HLCS: variants seen among roughly 807,000 people sequenced by gnomAD.
The protein encoded by HLCS is biotin--protein ligase.
HLCS carries 53 observed loss-of-function variants against 75.0 expected under a neutral mutation model. That is an observed-to-expected ratio of 0.71 (90% CI 0.57 to 0.89). The LOEUF (loss-of-function observed/expected upper bound fraction) is 0.89, where lower values mean the gene tolerates loss of function less well. HLCS is among the 40% of genes least tolerant of loss of function. HLCS has a pLI of 0.00. For synonymous variants in HLCS, 431 were observed against 428.6 expected (o/e 1.01, Z -0.07); for missense variants, 966 against 1,074.0 (o/e 0.90, Z 1.41).
At position 36,875,263 on chromosome 21, in the gene HLCS, C is replaced by A. The variant is rs140393639; in HGVS notation, c.1892+21597G>T. On this transcript the variant is annotated intron_variant, in intron 6 of 10. Transcript: ENST00000674895. ...TCAAGCCTGAAGCCTGGGCTCCAGG[C>A]TGCCAGTTCCAGGTGAGGTCCACGG... 9.2e-5 allele frequency among the ~76,000 whole-genome samples: 14 copies of A among 152,282 alleles called. No individual in the cohort carries two copies. The East Asian group carries it at 2.7e-3, about 30-fold the overall frequency.
intron 9 of HLCS, among the ~76,000 whole-genome samples, chr21:36,758,821 A>G (rs1359397801): frequency 2.0e-5 from 3 of 152,068 alleles, no homozygotes; most frequent in Admixed American, 2.0e-4. Context: ...TGTCTACTAA[A>G]AATACAAAAA....
intron 6 of HLCS, among the ~76,000 whole-genome samples, chr21:36,773,929 A>T (rs575111618): frequency 3.9e-5 from 6 of 152,356 alleles, no homozygotes; most frequent in African/African-American, 1.4e-4. Context: ...ACTTTCTAAA[A>T]AGTTAAAACG....
At chr21:36,974,103 A>G (rs8130063) in intron 1 of HLCS, 62,396 of 152,334 alleles carry the variant, frequency 0.41, 13,524 homozygotes, top group South Asian at 0.53. Flanking sequence ...AGGGCACACA[A>G]CACAGGTCAA....
chr21:36,934,423 TG>T (rs1486898481), intron 4 of HLCS, among the ~76,000 whole-genome samples: 2 of 152,210 alleles, frequency 1.3e-5, no homozygotes, highest in Non-Finnish European at 2.9e-5. Flanking sequence ...GGCGACCCAC[TG>T]CTGCCATGTG....
At chr21:36,965,899 T>A (rs2068544529) in intron 1 of HLCS, among the ~76,000 whole-genome samples, 1 of 149,836 alleles carries the variant, frequency 6.7e-6, no homozygotes, top group Non-Finnish European at 1.5e-5. Context: ...TACAGGCGCG[T>A]GCCACCACGC....
upstream of HLCS, among the ~76,000 whole-genome samples, chr21:36,971,313 G>A (rs1329444591): frequency 6.6e-6 from 1 of 152,096 alleles, no homozygotes; most frequent in Non-Finnish European, 1.5e-5. Context: ...TCTTGAATGG[G>A]TGCTCTTCTC....
chr21:36,788,665 CAGTTGGAT>C lies in HLCS; in HGVS notation c.1893-21388_1893-21381del, dbSNP rs546005075. On this transcript the variant is annotated intron_variant, in intron 6 of 10. Coordinates refer to ENST00000674895, the MANE Select transcript of HLCS (RefSeq NM_001352514.2). ...GGAGAGAGGTTTATGTACTGCATTA[CAGTTGGAT>C]ATTATTATATAAAATGAGTGTGTTA... is the stretch of plus-strand genomic sequence containing the variant. Among the ~76,000 whole-genome samples the C allele has an allele frequency of 1.9e-3, 284 of 152,222 alleles. 1 individual carries two copies. The highest frequency in any genetic ancestry group is 0.014 in the Middle Eastern group (4 of 294).
intron 5 of HLCS, among the ~76,000 whole-genome samples, chr21:36,899,197 T>C (rs1000634603): frequency 2.6e-5 from 4 of 152,266 alleles, no homozygotes. Context: ...TCAACTATGT[T>C]GATAATTATT....
At chr21:36,947,479 G>A in intron 2 of HLCS, 1 of 985,394 alleles carries the variant, frequency 1.0e-6, no homozygotes, top group Non-Finnish European at 1.2e-6. Context: ...GTGGATAAAG[G>A]CAAACAGGAC....
intron 5 of HLCS, among the ~76,000 whole-genome samples, chr21:36,915,105 T>TA (rs2065878531): frequency 6.6e-6 from 1 of 152,212 alleles, no homozygotes; most frequent in Admixed American, 6.5e-5. Context: ...ATTTGCCTGT[T>TA]ACCTGCCAGC....
At chr21:36,823,881 C>CT (rs1287853288) in intron 6 of HLCS, among the ~76,000 whole-genome samples, 1 of 152,164 alleles carries the variant, frequency 6.6e-6, no homozygotes, top group Non-Finnish European at 1.5e-5. Flanking sequence ...CATAGGTTCT[C>CT]TGAGCATCTA....
intron 6 of HLCS, among the ~76,000 whole-genome samples, chr21:36,876,412 C>T (rs972193634): frequency 6.6e-6 from 1 of 152,116 alleles, no homozygotes; most frequent in Non-Finnish European, 1.5e-5. Context: ...GGCATTTTAC[C>T]AGTACTAACT....
rs146000357 is a variant in HLCS, at chr21:36,836,912, C to T, written c.1892+59948G>A. ...ATAAAAACTGCACGGCGGCTGGGCA[C>T]GGTGGTTCACGCCTGTAATCCAGCA... On this transcript the variant is annotated intron_variant, in intron 6 of 10. Coordinates refer to ENST00000674895, the MANE Select transcript of HLCS (RefSeq NM_001352514.2). Among the ~76,000 whole-genome samples, 470 of 152,186 alleles carry T rather than the reference C, an allele frequency of 3.1e-3. 1 individual carries two copies. Among genetic ancestry groups the T allele is most frequent in the African/African-American group, 0.011 (455 of 41,510 alleles).
chr21:36,858,821 C>A (rs2063289116), intron 6 of HLCS, among the ~76,000 whole-genome samples: 1 of 152,154 alleles, frequency 6.6e-6, no homozygotes. Context: ...AGCCCATGCA[C>A]AACGCACCAG....
At chr21:36,939,850 C>T (rs957216256) in intron 2 of HLCS, among the ~76,000 whole-genome samples, 26 of 152,154 alleles carry the variant, frequency 1.7e-4, no homozygotes, top group African/African-American at 6.0e-4. Flanking sequence ...TTCCGACCCT[C>T]ACAGCATCCT....
At chr21:36,798,324 T>C (rs933791327) in intron 6 of HLCS, among the ~76,000 whole-genome samples, 1 of 152,224 alleles carries the variant, frequency 6.6e-6, no homozygotes, top group Admixed American at 6.5e-5. Context: ...ACCCATGCTG[T>C]CACACAAATT....
At chr21:36,957,758 T>A (rs1005293502) in intron 2 of HLCS, among the ~76,000 whole-genome samples, 1 of 147,412 alleles carries the variant, frequency 6.8e-6, no homozygotes, top group Non-Finnish European at 1.5e-5. Context: ...TGAAACCCCG[T>A]CTCCACTAAA....
At chr21:36,911,514 G>A (rs1288309659) in intron 5 of HLCS, among the ~76,000 whole-genome samples, 3 of 152,060 alleles carry the variant, frequency 2.0e-5, no homozygotes, top group Non-Finnish European at 4.4e-5. Context: ...GGAGGCTGAG[G>A]CGGGCGGATC....
chr21:36,914,399 T>C (rs1429487364), intron 5 of HLCS, among the ~76,000 whole-genome samples: 1 of 152,170 alleles, frequency 6.6e-6, no homozygotes, highest in Non-Finnish European at 1.5e-5. Context: ...AGGGCTGAAC[T>C]TGCCACAGGG....
Sources: gnomAD v4.1 joint callset for allele counts (sites outside exome capture counted in the v4.1 genomes callset) on GRCh38, gnomAD v4.1.1 for gene constraint, MANE v1.5 for transcripts, NCBI Gene and HGNC (gene_info 2026-07-23, HGNC 2026-07-21) for gene names.